The following OR5AS1 variants were observed in gnomAD, a reference collection of about 807,000 sequenced individuals.
OR5AS1 encodes olfactory receptor 5AS1.
For synonymous variants in OR5AS1, 196 were observed against 141.7 expected (o/e 1.38, Z -2.72); for missense variants, 492 against 378.2 (o/e 1.30, Z -2.50).
At position 56,031,330 on chromosome 11, in the gene OR5AS1, A is replaced by G. The variant is rs568893692; in HGVS notation, c.912A>G (p.Leu304=). ...NKDVKNALKK[L]LERIGYSNEW... is the part of the protein sequence containing the mutation. The stretch of plus-strand genomic sequence containing the variant: ...ATGTGAAAAATGCTCTCAAAAAGCT[A>G]TTAGAAAGAATTGGATATTCAAATG... Residue 304 remains leucine (L), a synonymous_variant, in exon 2 of 2, where the codon CTA becomes CTG. Coordinates refer to ENST00000641320, the MANE Select transcript of OR5AS1 (RefSeq NM_001001921.2). 4.4e-6 allele frequency: 7 copies of G among 1,588,430 alleles called. No individual in the cohort carries two copies. Among genetic ancestry groups the G allele is most frequent in the Middle Eastern group, 1.7e-4 (1 of 5,832 alleles).
At position 56,030,862 on chromosome 11, in the gene OR5AS1, A is replaced by G. The variant is rs200148115; in HGVS notation, c.444A>G (p.Ala148=). The part of the protein sequence containing the change: ...RRVCVCFIVL[A]YFSGSTTSLV... Reference sequence around the variant, plus strand: ...TCTGTGTCTGCTTCATTGTGTTGGCATATTTCAGTGGAAGTACAACATCAC... The same window carrying G: ...TCTGTGTCTGCTTCATTGTGTTGGCGTATTTCAGTGGAAGTACAACATCAC... The change falls in exon 2 of 2, where the codon GCA becomes GCG. Residue 148 remains alanine (A), a synonymous_variant. Transcript: ENST00000641320. The G allele has an allele frequency of 3.1e-5, 50 of 1,614,092 alleles. No individual in the cohort carries two copies. Among genetic ancestry groups the G allele is most frequent in the Non-Finnish European group, 4.0e-5 (47 of 1,179,982 alleles).
At chr11:56,028,455 T>C (rs1462570209) in intron 1 of OR5AS1, among the ~76,000 whole-genome samples, 1 of 152,088 alleles carries the variant, frequency 6.6e-6, no homozygotes, top group Non-Finnish European at 1.5e-5. Context: ...TTGAGTGAAA[T>C]CAGTACTAAT....
chr11:56,036,636 A>G lies in OR5AS1; in HGVS notation c.*5243A>G, dbSNP rs1366245700. 1.3e-5 allele frequency: 2 copies of G among 152,124 alleles called. No homozygotes were observed. Among genetic ancestry groups the G allele is most frequent in the Non-Finnish European group, 2.9e-5 (2 of 68,038 alleles). 9.4% of individuals were successfully genotyped at this position (152,124 alleles called of 1,614,324 possible). ...AACAAGTCCCAAAATTGAGGCAGTA[A>G]TTAATAGCCTACCAACAAAAAATAG... On this transcript the variant is annotated 3_prime_UTR_variant, in exon 2 of 2. Coordinates refer to ENST00000641320, the MANE Select transcript of OR5AS1 (RefSeq NM_001001921.2).
In OR5AS1 at chr11:56,031,547, A is replaced by C. The variant is rs371078932; in HGVS notation, c.*154A>C. The C allele has an allele frequency of 5.5e-5, 31 of 562,860 alleles. No homozygotes were observed. In the Middle Eastern group the frequency reaches 1.4e-3, roughly 26 times the overall value. 34.9% of individuals were successfully genotyped at this position (562,860 alleles called of 1,614,324 possible). On this transcript the variant is annotated 3_prime_UTR_variant, in exon 2 of 2. Coordinates refer to ENST00000641320, the MANE Select transcript of OR5AS1 (RefSeq NM_001001921.2). ...CTCTTCCAAAAATGTTCTCTCCACA[A>C]TTCTACTCTATAAAACATTACCTAA...
In OR5AS1 at chr11:56,032,926, G is replaced by A. The variant is rs1340660686; in HGVS notation, c.*1533G>A. 4 of 152,190 alleles carry A rather than the reference G, an allele frequency of 2.6e-5. No homozygotes were observed. The highest frequency in any genetic ancestry group is 7.3e-5 in the African/African-American group (3 of 41,344). 9.4% of individuals were successfully genotyped at this position (152,190 alleles called of 1,614,324 possible). A position where few individuals can be genotyped will look rare whatever the true frequency, so the allele number is the denominator to read the frequency against. On this transcript the variant is annotated 3_prime_UTR_variant, in exon 2 of 2. Coordinates refer to ENST00000641320, the MANE Select transcript of OR5AS1 (RefSeq NM_001001921.2). ...TTCTGCATTTCCAACTGAGGTACCT[G>A]GCTCATCTCATTGGGACTGGTTAGA...
rs551408658 is a variant in OR5AS1, at chr11:56,037,207, C to A, written c.*5814C>A. On this transcript the variant is annotated 3_prime_UTR_variant, in exon 2 of 2. Coordinates refer to ENST00000641320, the MANE Select transcript of OR5AS1 (RefSeq NM_001001921.2). Reference sequence around the variant, plus strand: ...ATTCCCTTTGAAAACCGGCACAAAACAATGATGCCCTCTCTCACCACTCCT... The same window carrying A: ...ATTCCCTTTGAAAACCGGCACAAAAAAATGATGCCCTCTCTCACCACTCCT... 1.3e-5 allele frequency: 2 copies of A among 152,056 alleles called. No individual in the cohort carries two copies. The highest frequency in any genetic ancestry group is 2.9e-5 in the Non-Finnish European group (2 of 68,020). The allele number at this position is 152,056 out of a possible 1,614,324, so 9.4% of individuals were successfully genotyped here. A position where few individuals can be genotyped will look rare whatever the true frequency, so the allele number is the denominator to read the frequency against.
chr11:56,030,398 G>T lies in OR5AS1; in HGVS notation c.-21G>T. On this transcript the variant is annotated 5_prime_UTR_variant, in exon 2 of 2. Coordinates refer to ENST00000641320, the MANE Select transcript of OR5AS1 (RefSeq NM_001001921.2). ...TCTGCTGATACTACCTAGGTCCAGT[G>T]GGAAAAACAAGAAAACTAAGATGTT... The T allele has an allele frequency of 7.0e-7, 1 of 1,429,402 alleles. No homozygotes were observed. The highest frequency in any genetic ancestry group is 9.2e-7 in the Non-Finnish European group (1 of 1,085,890). The allele number at this position is 1,429,402 out of a possible 1,614,324, so 88.5% of individuals were successfully genotyped here. A position where few individuals can be genotyped will look rare whatever the true frequency, so the allele number is the denominator to read the frequency against.
Position 56,033,147 on chromosome 11 carries a change from C to CT in OR5AS1, c.*1756dup, listed in dbSNP as rs1365114621. The CT allele has an allele frequency of 6.6e-6, 1 of 152,622 alleles. No homozygotes were observed. The highest frequency in any genetic ancestry group is 1.5e-5 in the Non-Finnish European group (1 of 68,438). The allele number at this position is 152,622 out of a possible 1,614,324, so 9.5% of individuals were successfully genotyped here. Reference sequence around the variant, plus strand: ...CACAACACACGGACCAGGAGATTCCCTTGGGTGCCTACATCACCAGCTCCC... The same window carrying CT: ...CACAACACACGGACCAGGAGATTCCCTTTGGGTGCCTACATCACCAGCTCCC... On this transcript the variant is annotated 3_prime_UTR_variant, in exon 2 of 2. Transcript: ENST00000641320.
intron 1 of OR5AS1, among the ~76,000 whole-genome samples, chr11:56,028,645 A>G (rs1286038095): frequency 6.6e-6 from 1 of 152,106 alleles, no homozygotes; most frequent in Non-Finnish European, 1.5e-5. Context: ...CCTGTAGGAA[A>G]AGGAAAGTTG....
chr11:56,028,929 G>A (rs933678685), intron 1 of OR5AS1, among the ~76,000 whole-genome samples: 6 of 151,990 alleles, frequency 3.9e-5, no homozygotes, highest in African/African-American at 1.5e-4. Flanking sequence ...CAGTTGTGAG[G>A]ATTTGAATAT....
chr11:56,028,283 A>C (rs1207634473), intron 1 of OR5AS1, among the ~76,000 whole-genome samples: 1 of 152,000 alleles, frequency 6.6e-6, no homozygotes, highest in Non-Finnish European at 1.5e-5. Flanking sequence ...TCAGTCTTAT[A>C]ATATATTATT....
intron 1 of OR5AS1, 47 bp from the exon 2 acceptor site, chr11:56,030,344 G>A (rs987861405): frequency 3.7e-6 from 3 of 820,002 alleles, no homozygotes. Flanking sequence ...AGATACTTTT[G>A]GTTCATCCAT....
Position 56,034,904 on chromosome 11 carries a change from A to G in OR5AS1, c.*3511A>G, listed in dbSNP as rs1853388996. On this transcript the variant is annotated 3_prime_UTR_variant, in exon 2 of 2. Transcript: ENST00000641320. ...CATTACCCACAAAGGGAAGCCCATCAGACTAACAGCGGCTGTCTCAGCAGA... is the reference window on the plus strand; with the variant it reads ...CATTACCCACAAAGGGAAGCCCATCGGACTAACAGCGGCTGTCTCAGCAGA... The G allele has an allele frequency of 1.3e-5, 2 of 152,316 alleles. No individual in the cohort carries two copies. The highest frequency in any genetic ancestry group is 3.9e-4 in the East Asian group (2 of 5,188). 9.4% of individuals were successfully genotyped at this position (152,316 alleles called of 1,614,324 possible). A position where few individuals can be genotyped will look rare whatever the true frequency, so the allele number is the denominator to read the frequency against.
Position 56,033,779 on chromosome 11 carries a change from A to C in OR5AS1, c.*2386A>C, listed in dbSNP as rs1853375870. Reference sequence around the variant, plus strand: ...CCAGCACATCGTTCAAGCTCTCCTAAGAGATAGACTCCTGCATCAAGTGGG... The same window carrying C: ...CCAGCACATCGTTCAAGCTCTCCTACGAGATAGACTCCTGCATCAAGTGGG... On this transcript the variant is annotated 3_prime_UTR_variant, in exon 2 of 2. Transcript: ENST00000641320. 1 of 152,164 alleles carries C rather than the reference A, an allele frequency of 6.6e-6. No homozygotes were observed. The highest frequency in any genetic ancestry group is 1.5e-5 in the Non-Finnish European group (1 of 68,106). The allele number at this position is 152,164 out of a possible 1,614,324, so 9.4% of individuals were successfully genotyped here. A position where few individuals can be genotyped will look rare whatever the true frequency, so the allele number is the denominator to read the frequency against.
intron 1 of OR5AS1, among the ~76,000 whole-genome samples, chr11:56,029,859 T>C (rs1379298539): frequency 1.3e-5 from 2 of 151,916 alleles, no homozygotes; most frequent in East Asian, 3.9e-4. Context: ...CAAAGCCAAG[T>C]TGTAAATCCA....
Position 56,032,471 on chromosome 11 carries a change from T to A in OR5AS1, c.*1078T>A, listed in dbSNP as rs564304632. The A allele has an allele frequency of 2.6e-5, 4 of 152,232 alleles. No homozygotes were observed. The South Asian group carries it at 8.3e-4, about 31-fold the overall frequency. 9.4% of individuals were successfully genotyped at this position (152,232 alleles called of 1,614,324 possible). Reference sequence around the variant, plus strand: ...GTCTGAAGTCTCTATTTACTTTTTGTCTTATTTTGACAAAGTTAAAGTGAT... The same window carrying A: ...GTCTGAAGTCTCTATTTACTTTTTGACTTATTTTGACAAAGTTAAAGTGAT... On this transcript the variant is annotated 3_prime_UTR_variant, in exon 2 of 2. Transcript: ENST00000641320.
In OR5AS1 at chr11:56,034,528, T is replaced by G. The variant is rs185488766; in HGVS notation, c.*3135T>G. The G allele has an allele frequency of 1.9e-4, 29 of 152,052 alleles. No individual in the cohort carries two copies. Among genetic ancestry groups the G allele is most frequent in the Admixed American group, 8.5e-4 (13 of 15,272 alleles). 9.4% of individuals were successfully genotyped at this position (152,052 alleles called of 1,614,324 possible). ...AGGATATCAGAGATTGAAGATCAAC[T>G]TAATGAAATAAAGCTTGAAGACAAG... On this transcript the variant is annotated 3_prime_UTR_variant, in exon 2 of 2. Transcript: ENST00000641320.
Position 56,034,765 on chromosome 11 carries a change from C to G in OR5AS1, c.*3372C>G, listed in dbSNP as rs553560273. On this transcript the variant is annotated 3_prime_UTR_variant, in exon 2 of 2. Transcript: ENST00000641320. ...CAAATTCAGGAAATACATGTAACACCACAAAGATACACCTCAAGAAGAGCA... is the reference window on the plus strand; with the variant it reads ...CAAATTCAGGAAATACATGTAACACGACAAAGATACACCTCAAGAAGAGCA... 6.6e-6 allele frequency: 1 copy of G among 152,138 alleles called. No individual in the cohort carries two copies. Among genetic ancestry groups the G allele is most frequent in the East Asian group, 1.9e-4 (1 of 5,172 alleles). 9.4% of individuals were successfully genotyped at this position (152,138 alleles called of 1,614,324 possible).
chr11:56,028,409 C>T (rs1853316619), intron 1 of OR5AS1, among the ~76,000 whole-genome samples: 1 of 152,070 alleles, frequency 6.6e-6, no homozygotes, highest in Admixed American at 6.6e-5. Flanking sequence ...ATCCTGTGTG[C>T]TTAAGCTCAG....
Sources: gnomAD v4.1 joint callset for allele counts (sites outside exome capture counted in the v4.1 genomes callset) on GRCh38, gnomAD v4.1.1 for gene constraint, MANE v1.5 for transcripts, NCBI Gene and HGNC (gene_info 2026-07-23, HGNC 2026-07-21) for gene names.